The following H2BC5 variants were observed in gnomAD, a reference collection of about 807,000 sequenced individuals.
The protein encoded by H2BC5 is H2B clustered histone 5.
H2BC5 carries 9 observed loss-of-function variants against 5.7 expected under a neutral mutation model. That is an observed-to-expected ratio of 1.57 (90% confidence interval 0.95 to 2.74). The LOEUF is 2.74. Ranked by LOEUF, H2BC5 falls within the 30% of genes most tolerant of loss-of-function variation. The pLI is 0.00. For synonymous variants in H2BC5, 133 were observed against 70.9 expected, an observed-to-expected ratio of 1.88 and a Z score of -4.40; for missense variants, 175 against 168.8, an observed-to-expected ratio of 1.04 and a Z score of -0.20.
rs766161496 is a variant in H2BC5 at position 26,158,199 on chromosome 6, C to T, written c.30C>T (p.Ala10=). Residue 10 remains alanine, a synonymous_variant, in exon 1 of 1, where the codon GCC becomes GCT. Transcript: ENST00000377777. ...CTGAACCTACCAAGTCTGCTCCTGC[C>T]CCAAAGAAGGGCTCCAAGAAGGCGG... The part of the protein sequence containing the change: MPEPTKSAP[A]PKKGSKKAVT... 14 of 1,614,048 alleles carry T rather than the reference C, an allele frequency of 8.7e-6. No individual in the cohort carries two copies. The East Asian group carries it at 1.1e-4, about 13-fold the overall frequency.
chr6:26,168,233 C>A lies in H2BC5; in HGVS notation c.*10-2742C>A, dbSNP rs185561892. 7.9e-5 allele frequency among the ~76,000 whole-genome samples: 12 copies of A among 152,080 alleles called. 1 individual carries two copies. The highest frequency in any genetic ancestry group is 2.7e-4 in the African/African-American group (11 of 41,504). ...CAGCACTTTGGGAGGCCAAGGCGGGCAGATCACCTGAGGTCGGGAGTTCAA... is the reference window on the plus strand; with the variant it reads ...CAGCACTTTGGGAGGCCAAGGCGGGAAGATCACCTGAGGTCGGGAGTTCAA... On this transcript the variant is annotated intron_variant, in intron 1 of 1. Coordinates refer to the H2BC5 transcript ENST00000289316.
In H2BC5 at chr6:26,158,480, CG is replaced by C. The variant is rs752085869; in HGVS notation, c.316del (p.Glu106SerfsTer26). On this transcript the variant is annotated frameshift_variant, in exon 1 of 1. Coordinates refer to ENST00000377777, the MANE Select transcript of H2BC5 (RefSeq NM_021063.4). LOFTEE classifies it high-confidence loss of function. The part of the protein sequence containing the change: ...EIQTAVRLLL[P>X]GELAKHAVSE... ...CAGACGGCCGTGCGCCTGCTGCTTC[CG>C]GGGGAGCTGGCCAAGCACGCCGTGT... 1.2e-6 allele frequency: 2 copies of C among 1,614,224 alleles called. No individual in the cohort carries two copies. Among genetic ancestry groups the C allele is most frequent in the Non-Finnish European group, 1.7e-6 (2 of 1,180,032 alleles).
At chr6:26,158,858 A>G (rs1396294873), downstream of H2BC5, among the ~76,000 whole-genome samples, 4 of 152,114 alleles carry the variant, frequency 2.6e-5, no homozygotes, top group Non-Finnish European at 5.9e-5. Flanking sequence ...CCGTGTGCAG[A>G]TTTCCAAGTT....
intron 1 of H2BC5, chr6:26,164,338 A>G: frequency 3.9e-6 from 1 of 253,584 alleles, no homozygotes; most frequent in Non-Finnish European, 8.6e-6. Context: ...GGGAAAGTGA[A>G]AAACCATTTA....
downstream of H2BC5, chr6:26,158,637 C>T (rs1178929969): frequency 6.5e-7 from 1 of 1,549,526 alleles, no homozygotes; most frequent in Non-Finnish European, 8.7e-7. Flanking sequence ...GTAATCATTT[C>T]ATTCAAAAGG....
exon 2 of H2BC5, chr6:26,171,047 AG>A (rs1764508164): frequency 6.6e-6 from 1 of 152,246 alleles, no homozygotes; most frequent in South Asian, 2.1e-4. Context: ...CATAGAACTT[AG>A]GAAGTCTCAT....
chr6:26,166,533 G>C (rs1225593723), intron 1 of H2BC5, among the ~76,000 whole-genome samples: 1 of 152,048 alleles, frequency 6.6e-6, no homozygotes, highest in African/African-American at 2.4e-5. Flanking sequence ...TGGGATGTGG[G>C]GGAAGGCTGT....
chr6:26,159,684 TGATG>T (rs1366574049), downstream of H2BC5, among the ~76,000 whole-genome samples: 51 of 152,104 alleles, frequency 3.4e-4, no homozygotes, highest in Non-Finnish European at 1.5e-5. Context: ...AGAATTTAAG[TGATG>T]GATGGATGAT....
chr6:26,158,552 T>A lies in H2BC5; in HGVS notation c.*2T>A. The stretch of plus-strand genomic sequence containing the variant: ...ACCAAGTACACCAGTTCCAAGTAAC[T>A]TTGCCAAGTAAGCATCTTTACACCT... On this transcript the variant is annotated 3_prime_UTR_variant, in exon 1 of 1. Coordinates refer to ENST00000377777, the MANE Select transcript of H2BC5 (RefSeq NM_021063.4). 1 of 1,613,754 alleles carries A rather than the reference T, an allele frequency of 6.2e-7. No homozygotes were observed. Among genetic ancestry groups the A allele is most frequent in the Non-Finnish European group, 8.5e-7 (1 of 1,179,874 alleles).
intron 1 of H2BC5, chr6:26,164,046 T>C (rs1038603884): frequency 2.2e-5 from 10 of 457,448 alleles, no homozygotes; most frequent in Non-Finnish European, 3.5e-5. Flanking sequence ...ATTGAAATAT[T>C]CCAAAGCCAA....
intron 1 of H2BC5, among the ~76,000 whole-genome samples, chr6:26,165,961 G>A (rs1764416534): frequency 6.6e-6 from 1 of 152,212 alleles, no homozygotes; most frequent in Non-Finnish European, 1.5e-5. Flanking sequence ...TGGAATGGCT[G>A]AAGTCTGCTG....
At chr6:26,165,933 T>C (rs1454944473) in intron 1 of H2BC5, among the ~76,000 whole-genome samples, 1 of 152,152 alleles carries the variant, frequency 6.6e-6, no homozygotes, top group East Asian at 1.9e-4. Flanking sequence ...ACTGACTGGG[T>C]TGGGCTGTGA....
chr6:26,168,877 A>G (rs979321855), intron 1 of H2BC5, among the ~76,000 whole-genome samples: 4 of 152,200 alleles, frequency 2.6e-5, no homozygotes, highest in Non-Finnish European at 5.9e-5. Flanking sequence ...GAAATCTTAA[A>G]CTGCAGTCTG....
chr6:26,167,747 T>C (rs1225234579), intron 1 of H2BC5, among the ~76,000 whole-genome samples: 2 of 152,104 alleles, frequency 1.3e-5, no homozygotes, highest in African/African-American at 4.8e-5. Flanking sequence ...TCAGGCACGT[T>C]GATAGTAGAA....
rs371933273 is a variant in H2BC5, at chr6:26,169,672, T to C, written c.*10-1303T>C. ...CAGAAAAGGAATGGAAGAAGCAAAC[T>C]CCTACTAAAAAAGGGAGGGGCCAGG... On this transcript the variant is annotated intron_variant, in intron 1 of 1. Coordinates refer to the H2BC5 transcript ENST00000289316. Among the ~76,000 whole-genome samples, 142 of 151,950 alleles carry C rather than the reference T, an allele frequency of 9.3e-4. 1 individual carries two copies. Among genetic ancestry groups the C allele is most frequent in the African/African-American group, 2.4e-3 (99 of 41,436 alleles).
At chr6:26,166,444 A>T (rs1764425100) in intron 1 of H2BC5, among the ~76,000 whole-genome samples, 2 of 152,006 alleles carry the variant, frequency 1.3e-5, no homozygotes, top group South Asian at 4.1e-4. Flanking sequence ...CCTTCAGGTC[A>T]CGCAGCCATG....
downstream of H2BC5, among the ~76,000 whole-genome samples, chr6:26,162,040 AAAAG>A (rs1764359318): frequency 6.6e-6 from 1 of 152,230 alleles, no homozygotes; most frequent in Non-Finnish European, 1.5e-5. Flanking sequence ...ATGATACAAA[AAAAG>A]GGAGTCACTA....
At position 26,165,477 on chromosome 6, in the gene H2BC5, T is replaced by G. The variant is rs980964549; in HGVS notation, c.*10-5498T>G. On this transcript the variant is annotated intron_variant, in intron 1 of 1. Coordinates refer to the H2BC5 transcript ENST00000289316. ...CTGCTCTGCTTGCTATTGCCTCATG[T>G]CAGGCCCCGTCCTGCCGTGACGTCC... Among the ~76,000 whole-genome samples the G allele has an allele frequency of 4.6e-5, 7 of 152,210 alleles. No individual in the cohort carries two copies. The South Asian group carries it at 1.5e-3, about 32-fold the overall frequency.
rs149341201 is a variant in H2BC5, at chr6:26,167,049, CTTTTTTT to C, written c.*10-3910_*10-3904del. ...CTTTTCTTTCTTTTTTTTGTTTTCT[CTTTTTTT>C]TTTTTTTTTTTTTTTGTAAAATGAT... On this transcript the variant is annotated intron_variant, in intron 1 of 1. Coordinates refer to the H2BC5 transcript ENST00000289316. 6.0e-3 allele frequency among the ~76,000 whole-genome samples: 580 copies of C among 97,044 alleles called. 1 individual carries two copies. The highest frequency in any genetic ancestry group is 0.023 in the African/African-American group (558 of 24,774). The allele number at this position is 97,044 out of a possible 152,430, so 63.7% of individuals were successfully genotyped here.
Sources: allele counts gnomAD v4.1 joint callset (sites outside exome capture counted in the v4.1 genomes callset), GRCh38; gene constraint gnomAD v4.1.1; transcripts MANE v1.5; gene names NCBI Gene and HGNC (gene_info 2026-07-23, HGNC 2026-07-21).